Variants in SLC35E1 observed in about 807,000 individuals in gnomAD.
The protein encoded by SLC35E1 is solute carrier family 35 member E1, also known as solute carrier family 35, member E1.
In SLC35E1, 12 loss-of-function variants were observed where a neutral mutation model predicts 31.0. That is an observed-to-expected ratio of 0.39 (90% CI 0.25 to 0.63). The LOEUF (loss-of-function observed/expected upper bound fraction) is 0.63. Ranked by LOEUF, SLC35E1 falls within the 20% of genes least tolerant of loss-of-function variation. The pLI, the probability that SLC35E1 is intolerant of heterozygous loss-of-function variation, is 0.52. For missense variants in SLC35E1, 429 were observed against 572.2 expected (o/e 0.75, Z 2.55); for synonymous variants, 257 against 264.1 (o/e 0.97, Z 0.26).
chr19:16,558,137 G>A (rs756361867), intron 4 of SLC35E1, among the ~76,000 whole-genome samples: 6 of 150,696 alleles, frequency 4.0e-5, no homozygotes, highest in African/African-American at 9.8e-5. Context: ...TCTGCCTCCC[G>A]GGTTCAAGTG....
Position 16,553,676 on chromosome 19 carries a change from A to C in SLC35E1, c.*3T>G. ...CCAACAGTCTGGTCCTGTCCTTTGG[A>C]CTCTACACATCATAGCGGTTCAAAC... On this transcript the variant is annotated 3_prime_UTR_variant, in exon 6 of 6. Transcript: ENST00000595753. 3 of 1,521,398 alleles carry C rather than the reference A, an allele frequency of 2.0e-6. No homozygotes were observed. Among genetic ancestry groups the C allele is most frequent in the Non-Finnish European group, 2.7e-6 (3 of 1,127,424 alleles). 94.2% of individuals were successfully genotyped at this position (1,521,398 alleles called of 1,614,324 possible).
At chr19:16,565,338 G>T (rs1377516779) in intron 4 of SLC35E1, 2 of 342,744 alleles carry the variant, frequency 5.8e-6, no homozygotes, top group Admixed American at 4.1e-5. Flanking sequence ...AGCCTCCCAA[G>T]TGGCTGGGAT....
At chr19:16,557,768 G>A (rs1222178178) in intron 4 of SLC35E1, among the ~76,000 whole-genome samples, 2 of 152,188 alleles carry the variant, frequency 1.3e-5, no homozygotes, top group Non-Finnish European at 2.9e-5. Context: ...CCTTTTCATT[G>A]CTGAGTAATG....
At position 16,572,251 on chromosome 19, in the gene SLC35E1, G is replaced by A. The variant is rs1030554332; in HGVS notation, c.114C>T (p.Tyr38=). 2.0e-6 allele frequency: 3 copies of A among 1,518,668 alleles called. No homozygotes were observed. Among genetic ancestry groups the A allele is most frequent in the African/African-American group, 2.9e-5 (2 of 69,320 alleles). 94.1% of individuals were successfully genotyped at this position (1,518,668 alleles called of 1,614,324 possible). ...ARVAALCLLW[Y]ALSAGGNVVN... is the part of the protein sequence containing the mutation. ...CCACGTTGCCGCCCGCGCTCAGCGC[G>A]TACCACAGCAGGCACAGCGCCGCCA... The change falls in exon 1 of 6, where the codon TAC becomes TAT. Residue 38 remains tyrosine (Y), a synonymous_variant. Transcript: ENST00000595753. The surrounding 1 kb of genome is among the most constrained non-coding windows in gnomAD (Gnocchi z 4.1).
intron 4 of SLC35E1, chr19:16,565,089 C>T (rs1000422425): frequency 2.2e-6 from 1 of 456,210 alleles, no homozygotes; most frequent in Non-Finnish European, 4.4e-6. Flanking sequence ...CTCCTCACCG[C>T]AGGCACTTGC....
chr19:16,553,915 C>T lies in SLC35E1; in HGVS notation c.1003-6G>A. The T allele has an allele frequency of 1.3e-6, 2 of 1,584,388 alleles. No individual in the cohort carries two copies. The highest frequency in any genetic ancestry group is 1.7e-6 in the Non-Finnish European group (2 of 1,162,810). On this transcript the variant is annotated splice_polypyrimidine_tract_variant and splice_region_variant and intron_variant, in intron 5 of 5. Transcript: ENST00000595753. ...TGGTTTGCATCGTACTTGGTCTGTG[C>T]CAGAAAGAGAGCAATGAGACAGGAC...
intron 2 of SLC35E1, among the ~76,000 whole-genome samples, chr19:16,571,133 C>T (rs1432509531): frequency 1.3e-5 from 2 of 151,550 alleles, no homozygotes; most frequent in African/African-American, 4.9e-5. Context: ...TAACCGACAG[C>T]GTTCTGATCC....
At chr19:16,558,712 C>A (rs994722122) in intron 4 of SLC35E1, among the ~76,000 whole-genome samples, 1 of 151,662 alleles carries the variant, frequency 6.6e-6, no homozygotes, top group Non-Finnish European at 1.5e-5. Context: ...GATTTATCTT[C>A]AAGTTATTGG....
rs2085955753 is a variant in SLC35E1 at position 16,571,112 on chromosome 19, A to C, written c.492+400T>G. Among the ~76,000 whole-genome samples the C allele has an allele frequency of 2.0e-5, 3 of 151,834 alleles. No homozygotes were observed. In the South Asian group the frequency reaches 6.2e-4, roughly 32 times the overall value. On this transcript the variant is annotated intron_variant, in intron 2 of 5. Transcript: ENST00000595753. ...CTCCGTCTCAAAAAAAAAAAAAAAA[A>C]AGTGAACACCTAACCGACAGCGTTC...
intron 3 of SLC35E1, among the ~76,000 whole-genome samples, 185 bp from the exon 4 acceptor site, chr19:16,566,842 G>A (rs2085934923): frequency 6.6e-6 from 1 of 152,194 alleles, no homozygotes; most frequent in South Asian, 2.1e-4. Context: ...CATGCTCCAC[G>A]CATAAACGAC....
chr19:16,568,001 C>A, intron 3 of SLC35E1, 31 bp downstream of exon 3: 3 of 1,578,384 alleles, frequency 1.9e-6, no homozygotes, highest in South Asian at 2.3e-5. Flanking sequence ...CCCTGAAACC[C>A]CATGCATGTC....
chr19:16,554,820 G>A (rs1275401611), intron 5 of SLC35E1, among the ~76,000 whole-genome samples: 766 of 59,432 alleles, frequency 0.013, 10 homozygotes, highest in East Asian at 0.13. Flanking sequence ...ACTCCATCTC[G>A]AAAAAAAAAA....
intron 3 of SLC35E1, among the ~76,000 whole-genome samples, chr19:16,567,827 T>A (rs1306738696): frequency 6.6e-6 from 1 of 152,188 alleles, no homozygotes; most frequent in African/African-American, 2.4e-5. Context: ...GTGCTGGGAT[T>A]ATAGGCATGA....
rs1344796256 is a variant in SLC35E1, at chr19:16,551,389, C to T, written c.*2290G>A. On this transcript the variant is annotated 3_prime_UTR_variant, in exon 6 of 6. Transcript: ENST00000595753. ...TCCCATGTGTCAGCTGACATAACAT[C>T]TTAAATACAGAATTCCAATTGAAAG... 1 of 152,170 alleles carries T rather than the reference C, an allele frequency of 6.6e-6. No homozygotes were observed. The highest frequency in any genetic ancestry group is 1.5e-5 in the Non-Finnish European group (1 of 68,026). The allele number at this position is 152,170 out of a possible 1,614,324, so 9.4% of individuals were successfully genotyped here.
intron 2 of SLC35E1, among the ~76,000 whole-genome samples, chr19:16,570,292 A>T (rs1316629035): frequency 3.9e-5 from 6 of 152,258 alleles, no homozygotes; most frequent in Admixed American, 6.5e-5. Flanking sequence ...ACCCTGGGGG[A>T]GCAGGGCTAC....
intron 5 of SLC35E1, among the ~76,000 whole-genome samples, chr19:16,554,820 GAAAAAAAAAA>G (rs59402960): frequency 1.7e-5 from 1 of 60,208 alleles, no homozygotes; most frequent in East Asian, 4.2e-4. Flanking sequence ...ACTCCATCTC[GAAAAAAAAAA>G]AAAAAAAAAA....
rs962369515 is a variant in SLC35E1 at position 16,551,997 on chromosome 19, G to C, written c.*1682C>G. On this transcript the variant is annotated 3_prime_UTR_variant, in exon 6 of 6. Transcript: ENST00000595753. ...AAACTCCAGTGATCCACCCACCTCA[G>C]CCTCCCAAAGTGCTGAGATTACAGG... is the stretch of plus-strand genomic sequence containing the variant. 2.6e-5 allele frequency: 4 copies of C among 151,852 alleles called. No homozygotes were observed. Among genetic ancestry groups the C allele is most frequent in the Non-Finnish European group, 4.4e-5 (3 of 67,946 alleles). 9.4% of individuals were successfully genotyped at this position (151,852 alleles called of 1,614,324 possible).
intron 4 of SLC35E1, among the ~76,000 whole-genome samples, chr19:16,561,237 AAAAAAAG>A (rs2085904726): frequency 6.9e-6 from 1 of 145,116 alleles, no homozygotes; most frequent in African/African-American, 2.6e-5. Context: ...AAAAAAAAAA[AAAAAAAG>A]AAAGAAAAGA....
At chr19:16,556,071 C>T (rs1480927569) in intron 4 of SLC35E1, among the ~76,000 whole-genome samples, 3 of 151,918 alleles carry the variant, frequency 2.0e-5, no homozygotes, top group South Asian at 2.1e-4. Context: ...CAAAATTGGT[C>T]GGGTGTGGTG....
Sources: gnomAD v4.1 joint callset for allele counts (sites outside exome capture counted in the v4.1 genomes callset) on GRCh38, gnomAD v4.1.1 for gene constraint, Gnocchi (gnomAD v3.1) non-coding constraint, MANE v1.5 for transcripts, NCBI Gene and HGNC (gene_info 2026-07-23, HGNC 2026-07-21) for gene names.